EPHA6: variants seen among roughly 807,000 people sequenced by gnomAD.
EPHA6 encodes the protein EPH receptor A6, also known as ephrin type-A receptor 6.
Under a neutral mutation model 112.0 loss-of-function variants are expected in EPHA6, and 50 were observed. The observed-to-expected ratio is 0.45, with a 90% CI of 0.36 to 0.56. EPHA6 has a LOEUF of 0.56. Among genes scored for constraint, EPHA6 ranks in the 20% least tolerant of loss-of-function variants. The pLI, the probability that EPHA6 is intolerant of heterozygous loss-of-function variation, is 0.00. For missense variants in EPHA6, 1,280 were observed against 1,417.4 expected (o/e 0.90, Z 1.56); for synonymous variants, 529 against 490.7 (o/e 1.08, Z -1.03).
chr3:97,069,485 A>AG (rs2046286869), intron 3 of EPHA6, among the ~76,000 whole-genome samples: 1 of 152,124 alleles, frequency 6.6e-6, no homozygotes, highest in African/African-American at 2.4e-5. Context: ...TGAAACCCTA[A>AG]GGGTGTTGCA....
chr3:97,548,409 C>G (rs2092986629), intron 11 of EPHA6, among the ~76,000 whole-genome samples: 2 of 152,070 alleles, frequency 1.3e-5, no homozygotes, highest in South Asian at 4.1e-4. Flanking sequence ...GTTATTTTTC[C>G]CTTTTTGTAA....
intron 1 of EPHA6, among the ~76,000 whole-genome samples, chr3:96,843,215 A>C (rs1250420404): frequency 6.6e-6 from 1 of 152,018 alleles, no homozygotes; most frequent in African/African-American, 2.4e-5. Flanking sequence ...GTTGACTTGG[A>C]TAGAATATTC....
intron 1 of EPHA6, among the ~76,000 whole-genome samples, chr3:96,850,100 G>T (rs571196443): frequency 3.9e-5 from 6 of 152,226 alleles, no homozygotes; most frequent in South Asian, 4.2e-4. Context: ...TCCAGCATTA[G>T]AGATGTCCAG....
chr3:97,669,762 T>C (rs373156565), intron 14 of EPHA6, among the ~76,000 whole-genome samples: 90 of 152,308 alleles, frequency 5.9e-4, no homozygotes, highest in African/African-American at 2.0e-3. Flanking sequence ...ACATAAATTG[T>C]TCAGGTTAGT....
At chr3:96,927,185 G>T (rs904826961) in intron 2 of EPHA6, among the ~76,000 whole-genome samples, 2 of 152,206 alleles carry the variant, frequency 1.3e-5, no homozygotes, top group Non-Finnish European at 2.9e-5. Flanking sequence ...GCTGTACCTT[G>T]GCCTCTTTTA....
chr3:97,001,630 T>G (rs1209502725), intron 3 of EPHA6, among the ~76,000 whole-genome samples: 1 of 152,010 alleles, frequency 6.6e-6, no homozygotes, highest in Non-Finnish European at 1.5e-5. Flanking sequence ...TACAAACTAT[T>G]TTTTTAGAAT....
intron 10 of EPHA6, among the ~76,000 whole-genome samples, chr3:97,521,712 G>A (rs2092545902): frequency 6.6e-6 from 1 of 152,140 alleles, no homozygotes; most frequent in East Asian, 1.9e-4. Context: ...CAGATGGCAA[G>A]CTCTGGCCCT....
rs1312762513 is a variant in EPHA6, at chr3:97,375,690, AC to A, written c.1607-29459del. Reference sequence around the variant, plus strand: ...AACTGTCTTGAATATTTGAATCCTTACTACAGATATAACATTAATGCTTGAA... The same window carrying A: ...AACTGTCTTGAATATTTGAATCCTTATACAGATATAACATTAATGCTTGAA... On this transcript the variant is annotated intron_variant, in intron 5 of 17. Transcript: ENST00000389672. 1.4e-4 allele frequency among the ~76,000 whole-genome samples: 22 copies of A among 152,158 alleles called. 1 individual carries two copies. Among genetic ancestry groups the A allele is most frequent in the Middle Eastern group, 3.2e-3 (1 of 316 alleles).
chr3:97,401,907 G>T (rs530640127), intron 5 of EPHA6, among the ~76,000 whole-genome samples: 1 of 151,756 alleles, frequency 6.6e-6, no homozygotes, highest in South Asian at 2.1e-4. Flanking sequence ...TTTCTTTCCT[G>T]ATTTGTTTAT....
chr3:97,387,837 GT>G (rs527852342), intron 5 of EPHA6, among the ~76,000 whole-genome samples: 81 of 152,248 alleles, frequency 5.3e-4, no homozygotes, highest in African/African-American at 1.9e-3. Flanking sequence ...AAGAAAAGAG[GT>G]TTAATCAGCT....
chr3:97,735,876 G>A, intron 15 of EPHA6, 49 bp from the exon 16 acceptor site: 3 of 1,386,078 alleles, frequency 2.2e-6, no homozygotes, highest in South Asian at 1.6e-5. Flanking sequence ...TATAGCATAT[G>A]TATTACTGCC....
intron 3 of EPHA6, among the ~76,000 whole-genome samples, chr3:97,219,851 T>G (rs184369908): frequency 6.4e-4 from 97 of 152,344 alleles, no homozygotes; most frequent in African/African-American, 2.3e-3. Flanking sequence ...TTCCAAAATT[T>G]TATGCTCTAC....
intron 5 of EPHA6, among the ~76,000 whole-genome samples, chr3:97,387,323 T>C (rs1034315809): frequency 6.6e-6 from 1 of 152,038 alleles, no homozygotes; most frequent in African/African-American, 2.4e-5. Context: ...TCAGTTTTTT[T>C]TTTTTTTTTG....
intron 3 of EPHA6, among the ~76,000 whole-genome samples, chr3:97,055,442 G>T (rs757761662): frequency 1.3e-5 from 2 of 151,982 alleles, no homozygotes; most frequent in African/African-American, 2.4e-5. Flanking sequence ...GAGTAGAAAT[G>T]GTTTGTTTAT....
chr3:97,110,086 T>A (rs575323398), intron 3 of EPHA6, among the ~76,000 whole-genome samples: 1 of 152,268 alleles, frequency 6.6e-6, no homozygotes, highest in Non-Finnish European at 1.5e-5. Context: ...AATTAACTTT[T>A]CAAAAAAATC....
At chr3:97,643,610 A>G (rs966353477) in intron 14 of EPHA6, among the ~76,000 whole-genome samples, 3 of 150,576 alleles carry the variant, frequency 2.0e-5, no homozygotes, top group African/African-American at 4.9e-5. Flanking sequence ...TACCAAGCAA[A>G]TGGAAAACAA....
rs138473680 is a variant in EPHA6 at position 97,069,599 on chromosome 3, A to G, written c.1114+81606A>G. 3.4e-3 allele frequency among the ~76,000 whole-genome samples: 520 copies of G among 152,298 alleles called. 3 individuals carry two copies. The highest frequency in any genetic ancestry group is 0.012 in the African/African-American group (499 of 41,574). On this transcript the variant is annotated intron_variant, in intron 3 of 17. Transcript: ENST00000389672. ...GGAAAGTAGCTCTAACTCTTCATTA[A>G]GAAATAATTCCATTGAAAGATTCAC...
intron 2 of EPHA6, among the ~76,000 whole-genome samples, chr3:96,927,439 A>T (rs2040096783): frequency 6.6e-6 from 1 of 152,178 alleles, no homozygotes; most frequent in Non-Finnish European, 1.5e-5. Context: ...CTTTTCTATC[A>T]CATTGTCAGG....
At chr3:97,745,240 T>C (rs778371398) in intron 16 of EPHA6, 2 of 299,806 alleles carry the variant, frequency 6.7e-6, no homozygotes, top group Admixed American at 4.8e-5. Context: ...TATTTTACAA[T>C]ATTGATTAAC....
Sources: allele counts gnomAD v4.1 joint callset (sites outside exome capture counted in the v4.1 genomes callset), GRCh38; gene constraint gnomAD v4.1.1; transcripts MANE v1.5; gene names NCBI Gene and HGNC (gene_info 2026-07-23, HGNC 2026-07-21).